MXD4: variants seen among roughly 807,000 people sequenced by gnomAD.
MXD4 encodes Mad4 homolog.
Under a neutral mutation model 24.5 loss-of-function variants are expected in MXD4, and 16 were observed. The ratio of observed to expected loss-of-function variants is 0.65; its 90% CI spans 0.44 to 0.99. The LOEUF (loss-of-function observed/expected upper bound fraction) is 0.99, where lower values mean the gene tolerates loss of function less well. Ranked by LOEUF, MXD4 falls within the 50% of genes least tolerant of loss-of-function variation. MXD4 has a pLI of 0.00. For missense variants in MXD4, 301 were observed against 301.5 expected (o/e 1.00, Z 0.01); for synonymous variants, 164 against 134.2 (o/e 1.22, Z -1.54).
rs553700574 is a variant in MXD4, at chr4:2,255,437, T to C, written c.194+2545A>G. 1.8e-4 allele frequency: 81 copies of C among 455,426 alleles called. 1 individual carries two copies. In the East Asian group the frequency reaches 5.3e-3, roughly 30 times the overall value. The allele number at this position is 455,426 out of a possible 1,614,324, so 28.2% of individuals were successfully genotyped here. ...AACAGGTCCACCTGGCCCAAGAGTG[T>C]GGGCGCCAGGGCTGGAGGCCACAGA... On this transcript the variant is annotated intron_variant, in intron 3 of 5. Transcript: ENST00000337190.
intron 4 of MXD4, 21 bp from the exon 5 acceptor site, chr4:2,251,267 G>A: frequency 6.4e-7 from 1 of 1,570,152 alleles, no homozygotes; most frequent in Non-Finnish European, 8.7e-7. Flanking sequence ...GGGGGGCTGT[G>A]AGCTCACAGC....
In MXD4 at chr4:2,258,001, T is replaced by C. The variant is rs1560114793; in HGVS notation, c.175A>G (p.Asn59Asp). The C allele has an allele frequency of 6.2e-7, 1 of 1,613,706 alleles. No individual in the cohort carries two copies. The highest frequency in any genetic ancestry group is 8.5e-7 in the Non-Finnish European group (1 of 1,179,940). Residue 59 changes from asparagine (N) to aspartate (D), a missense_variant, in exon 3 of 6, where the codon AAC (asparagine) becomes GAC (aspartate). Transcript: ENST00000337190. ...ACTTACCTGTGCTTTTCTAGCTCGT[T>C]GTGTGAAGACCTGTTTAGAAAGACA... The part of the protein sequence containing the change: ...RKAPNNRSSH[N>D]ELEKHRRAKL...
chr4:2,260,796 C>A (rs948746667), intron 2 of MXD4, among the ~76,000 whole-genome samples: 1 of 152,242 alleles, frequency 6.6e-6, no homozygotes, highest in Non-Finnish European at 1.5e-5. Flanking sequence ...GGCTCTGAAG[C>A]CCCCTACAAA....
chr4:2,255,615 C>G (rs1341422695), intron 3 of MXD4, among the ~76,000 whole-genome samples: 1 of 152,184 alleles, frequency 6.6e-6, no homozygotes, highest in Non-Finnish European at 1.5e-5. Flanking sequence ...CCTCCTGAAG[C>G]CGCTGCAGTG....
rs2233043 is a variant in MXD4 at position 2,250,287 on chromosome 4, G to A, written c.*257C>T. 12,867 of 562,126 alleles carry A rather than the reference G, an allele frequency of 0.023. 205 individuals are homozygous for A. Among genetic ancestry groups the A allele is most frequent in the Middle Eastern group, 0.047 (173 of 3,668 alleles). The allele number at this position is 562,126 out of a possible 1,614,324, so 34.8% of individuals were successfully genotyped here. A position where few individuals can be genotyped will look rare whatever the true frequency, so the allele number is the denominator to read the frequency against. ...AGGAATCTGAGAACAGACCGTGGGCGGCTATGCTGACCAGGGCTCCGGATG... is the reference window on the plus strand; with the variant it reads ...AGGAATCTGAGAACAGACCGTGGGCAGCTATGCTGACCAGGGCTCCGGATG... On this transcript the variant is annotated 3_prime_UTR_variant, in exon 6 of 6. Coordinates refer to ENST00000337190, the MANE Select transcript of MXD4 (RefSeq NM_006454.3).
At chr4:2,251,268 A>G (rs2108788287) in intron 4 of MXD4, 22 bp from the exon 5 acceptor site, 1 of 1,566,786 alleles carries the variant, frequency 6.4e-7, no homozygotes, top group African/African-American at 1.4e-5. Context: ...GGGGGCTGTG[A>G]GCTCACAGCG....
chr4:2,255,225 C>T (rs1424777606), intron 3 of MXD4: 6 of 433,894 alleles, frequency 1.4e-5, no homozygotes, highest in Non-Finnish European at 2.3e-5. Context: ...CAAGTCTCAT[C>T]GGCAATGTTA....
At position 2,261,806 on chromosome 4, in the gene MXD4, G is replaced by A. The variant is rs1735553872; in HGVS notation, c.83C>T (p.Ala28Val). The part of the protein sequence containing the change: ...RRDREAEHGY[A>V]SVLPFDGDFA... ...GTCGCCGTCGAAGGGCAGCACCGAGGCGTAGCCGTGCTCGGCCTCTGCGGA... is the reference window on the plus strand; with the variant it reads ...GTCGCCGTCGAAGGGCAGCACCGAGACGTAGCCGTGCTCGGCCTCTGCGGA... Residue 28 changes from alanine to valine, a missense_variant, in exon 2 of 6, where the codon GCC becomes GTC. Physicochemically the swap from Ala to Val is moderately conservative, Grantham distance 64. Coordinates refer to ENST00000337190, the MANE Select transcript of MXD4 (RefSeq NM_006454.3). The A allele has an allele frequency of 1.4e-6, 2 of 1,411,472 alleles. No individual in the cohort carries two copies. The highest frequency in any genetic ancestry group is 1.9e-6 in the Non-Finnish European group (2 of 1,074,890). 87.4% of individuals were successfully genotyped at this position (1,411,472 alleles called of 1,614,324 possible). A position where few individuals can be genotyped will look rare whatever the true frequency, so the allele number is the denominator to read the frequency against.
chr4:2,251,298 C>T lies in MXD4; in HGVS notation c.310-52G>A. ...ACAGCGGGAAGAGGAGTCCCCCCAT[C>T]CCCCTGGCCAGGCACTGGGGCACCC... On this transcript the variant is annotated intron_variant, in intron 4 of 5. Coordinates refer to ENST00000337190, the MANE Select transcript of MXD4 (RefSeq NM_006454.3). 3.4e-6 allele frequency: 5 copies of T among 1,491,970 alleles called. No homozygotes were observed. The South Asian group carries it at 5.2e-5, about 16-fold the overall frequency. The allele number at this position is 1,491,970 out of a possible 1,614,324, so 92.4% of individuals were successfully genotyped here.
intron 3 of MXD4, among the ~76,000 whole-genome samples, chr4:2,256,417 G>C (rs1735432001): frequency 6.6e-6 from 1 of 152,208 alleles, no homozygotes; most frequent in African/African-American, 2.4e-5. Context: ...CGATGTCCAG[G>C]GCCTGCCTCC....
At chr4:2,260,734 G>A (rs549986388) in intron 2 of MXD4, among the ~76,000 whole-genome samples, 9 of 152,246 alleles carry the variant, frequency 5.9e-5, no homozygotes, top group African/African-American at 2.4e-5. Context: ...CCCTACACCA[G>A]CCTTTCGGAT....
At chr4:2,256,271 C>T (rs1190970487) in intron 3 of MXD4, among the ~76,000 whole-genome samples, 4 of 152,220 alleles carry the variant, frequency 2.6e-5, no homozygotes, top group African/African-American at 9.6e-5. Context: ...GGGTTGGCAA[C>T]GGCCTCAGAC....
chr4:2,260,568 G>A (rs1194965972), intron 2 of MXD4: 3 of 455,622 alleles, frequency 6.6e-6, no homozygotes, highest in Admixed American at 4.7e-5. Flanking sequence ...GCTCACTGAG[G>A]AGGCCTGAGG....
intron 4 of MXD4, among the ~76,000 whole-genome samples, chr4:2,252,207 C>T (rs1042910577): frequency 6.6e-6 from 1 of 152,186 alleles, no homozygotes; most frequent in East Asian, 1.9e-4. Context: ...CAGCCTCGAC[C>T]CCTTGGCAGC....
In MXD4 at chr4:2,250,702, C is replaced by T; in HGVS notation, c.473-1G>A. ...AACTCCATGCCCTCTATGTCCACTT[C>T]TAGGGAGAATAGAGTGGGGATGGGG... On this transcript the variant is annotated splice_acceptor_variant, in intron 5 of 5. Transcript: ENST00000337190. LOFTEE classifies it high-confidence loss of function. The T allele has an allele frequency of 1.2e-6, 2 of 1,613,074 alleles. No homozygotes were observed. The highest frequency in any genetic ancestry group is 2.2e-5 in the East Asian group (1 of 44,886).
chr4:2,256,003 G>A (rs1430910916), intron 3 of MXD4, among the ~76,000 whole-genome samples: 1 of 152,196 alleles, frequency 6.6e-6, no homozygotes, highest in South Asian at 2.1e-4. Context: ...AAAGCCGTGT[G>A]AGGCTGCACC....
Position 2,250,441 on chromosome 4 carries a change from ACAG to A in MXD4, c.*100_*102del. 7.5e-7 allele frequency: 1 copy of A among 1,337,130 alleles called. No individual in the cohort carries two copies. The highest frequency in any genetic ancestry group is 9.9e-7 in the Non-Finnish European group (1 of 1,006,450). 82.8% of individuals were successfully genotyped at this position (1,337,130 alleles called of 1,614,324 possible). A position where few individuals can be genotyped will look rare whatever the true frequency, so the allele number is the denominator to read the frequency against. On this transcript the variant is annotated 3_prime_UTR_variant, in exon 6 of 6. Coordinates refer to ENST00000337190, the MANE Select transcript of MXD4 (RefSeq NM_006454.3). Reference sequence around the variant, plus strand: ...CAGCAGCTGGAGCTTCCAGAATGGCACAGCAGTGGGCCTGTGGAGAGGCTGGCG... The same window carrying A: ...CAGCAGCTGGAGCTTCCAGAATGGCACAGTGGGCCTGTGGAGAGGCTGGCG...
At chr4:2,260,638 G>A in intron 2 of MXD4, 1 of 452,384 alleles carries the variant, frequency 2.2e-6, no homozygotes, top group East Asian at 7.0e-5. Context: ...GGGGACCAGG[G>A]GCTGGGACTC....
In MXD4 at chr4:2,262,060, C is replaced by A. The variant is rs1236811692; in HGVS notation, c.-80G>T. The A allele has an allele frequency of 3.8e-6, 3 of 799,320 alleles. No homozygotes were observed. Among genetic ancestry groups the A allele is most frequent in the East Asian group, 1.3e-4 (1 of 8,000 alleles). 49.5% of individuals were successfully genotyped at this position (799,320 alleles called of 1,614,324 possible). A position where few individuals can be genotyped will look rare whatever the true frequency, so the allele number is the denominator to read the frequency against. ...TCCGGCCGGCTCCGCTCGCCGCCCA[C>A]CCCGCGCGCCCGGCCGCCGCACTTC... On this transcript the variant is annotated 5_prime_UTR_variant, in exon 1 of 6. Transcript: ENST00000337190.
Sources: gnomAD v4.1 joint callset for allele counts (sites outside exome capture counted in the v4.1 genomes callset) on GRCh38, gnomAD v4.1.1 for gene constraint, MANE v1.5 for transcripts, NCBI Gene and HGNC (gene_info 2026-07-23, HGNC 2026-07-21) for gene names.